Variants in PWWP3A observed in about 807,000 individuals in gnomAD.
PWWP3A encodes the protein PWWP domain-containing DNA repair factor 3A.
PWWP3A carries 53 observed loss-of-function variants against 79.0 expected under a neutral mutation model. The ratio of observed to expected loss-of-function variants is 0.67; its 90% CI spans 0.54 to 0.84. PWWP3A has a LOEUF of 0.84. Among genes scored for constraint, PWWP3A ranks in the 40% least tolerant of loss-of-function variants. The pLI is 0.00. For missense variants in PWWP3A, 973 were observed against 948.0 expected (o/e 1.03, Z -0.35); for synonymous variants, 443 against 394.4 (o/e 1.12, Z -1.46).
intron 5 of PWWP3A, chr19:1,361,999 C>T (rs1017248139): frequency 2.6e-5 from 9 of 341,116 alleles, no homozygotes; most frequent in African/African-American, 1.1e-4. Context: ...CTGCTGCTTA[C>T]GGCCCGCCTT....
chr19:1,360,150 G>C lies in PWWP3A; in HGVS notation c.229G>C (p.Val77Leu), dbSNP rs147961437. The change falls in exon 5 of 14, where the codon GTT (valine) becomes CTT (leucine). Residue 77 changes from valine to leucine, a missense_variant. Physicochemically the swap from Val to Leu is conservative, Grantham distance 32 (BLOSUM62 1). Coordinates refer to ENST00000591337, the MANE Select transcript of PWWP3A (RefSeq NM_001369789.1). This position sits in a 1 kb window ranked among gnomAD's most constrained non-coding sequence, Gnocchi z 4.4. ...GGTCCTTGCAGCCTCACAGAATGAG[G>C]TTCCTGCGGCACCCCTGGAAGAACT... ...IASSLASQNE[V>L]PAAPLEELAY... is the part of the protein sequence containing the mutation. 30 of 1,562,856 alleles carry C rather than the reference G, an allele frequency of 1.9e-5. No homozygotes were observed. The highest frequency in any genetic ancestry group is 2.2e-5 in the Non-Finnish European group (26 of 1,155,964).
Position 1,356,994 on chromosome 19 carries a change from T to G in PWWP3A, c.58-15T>G, listed in dbSNP as rs2081886687. ...CTGTTGTAATAACAAGGATTTTCTT[T>G]TGTTTTAAATGTAGGTTTTGGCCCG... On this transcript the variant is annotated splice_polypyrimidine_tract_variant and intron_variant, in intron 2 of 13. Coordinates refer to ENST00000591337, the MANE Select transcript of PWWP3A (RefSeq NM_001369789.1). 6.2e-7 allele frequency: 1 copy of G among 1,604,736 alleles called. No homozygotes were observed. The highest frequency in any genetic ancestry group is 1.3e-5 in the African/African-American group (1 of 74,456).
rs1418196392 is a variant in PWWP3A, at chr19:1,369,651, G to T, written c.1549+5G>T. 1.2e-6 allele frequency: 2 copies of T among 1,614,086 alleles called. No individual in the cohort carries two copies. The highest frequency in any genetic ancestry group is 2.7e-5 in the African/African-American group (2 of 74,932). ...AATATTACGCGGCTGATATAAGTAA[G>T]TCTACAGGCACATCTTGGAAAATGT... On this transcript the variant is annotated splice_donor_5th_base_variant and intron_variant, in intron 11 of 13. Coordinates refer to ENST00000591337, the MANE Select transcript of PWWP3A (RefSeq NM_001369789.1). This position sits in a 1 kb window ranked among gnomAD's most constrained non-coding sequence, Gnocchi z 4.0.
In PWWP3A at chr19:1,357,033, A is replaced by G. The variant is rs566164571; in HGVS notation, c.82A>G (p.Thr28Ala). The G allele has an allele frequency of 1.8e-5, 29 of 1,613,518 alleles. No homozygotes were observed. The highest frequency in any genetic ancestry group is 1.6e-4 in the East Asian group (7 of 44,882). Residue 28 changes from threonine (T) to alanine (A), a missense_variant, in exon 3 of 14, where the codon ACA (threonine) becomes GCA (alanine). By Grantham distance (58) the Thr-to-Ala change is moderately conservative (BLOSUM62 0). Transcript: ENST00000591337. ...GGTTTTGGCCCGAACCGCGACTTCAACAAAAAATAAGAGAAGAAAGGAATA... is the reference window on the plus strand; with the variant it reads ...GGTTTTGGCCCGAACCGCGACTTCAGCAAAAAATAAGAGAAGAAAGGAATA... ...AKVLARTATS[T>A]KNKRRKEYFL...
intron 7 of PWWP3A, 42 bp downstream of exon 7, chr19:1,364,621 A>C: frequency 3.0e-6 from 4 of 1,349,888 alleles, no homozygotes; most frequent in Non-Finnish European, 4.1e-6. Flanking sequence ...TAGTTACTTA[A>C]ATTTCATGAA....
In PWWP3A at chr19:1,377,162, A is replaced by AG. The variant is rs1286629073; in HGVS notation, c.*589dup. The AG allele has an allele frequency of 6.6e-6, 1 of 152,428 alleles. No individual in the cohort carries two copies. The highest frequency in any genetic ancestry group is 2.4e-5 in the African/African-American group (1 of 41,364). 9.4% of individuals were successfully genotyped at this position (152,428 alleles called of 1,614,324 possible). A position where few individuals can be genotyped will look rare whatever the true frequency, so the allele number is the denominator to read the frequency against. ...TCTGTGTCGTGTTTGCTGTGGCCGC[A>AG]GGGAGAGGAGCAGGACACGCACCTT... On this transcript the variant is annotated 3_prime_UTR_variant, in exon 14 of 14. Transcript: ENST00000591337.
chr19:1,377,182 C>CA lies in PWWP3A; in HGVS notation c.*607dup, dbSNP rs2082420008. On this transcript the variant is annotated 3_prime_UTR_variant, in exon 14 of 14. Transcript: ENST00000591337. ...GCCGCAGGGAGAGGAGCAGGACACG[C>CA]ACCTTTCCAGGGGCCTCTGTGTCCC... 1 of 152,584 alleles carries CA rather than the reference C, an allele frequency of 6.6e-6. No homozygotes were observed. The highest frequency in any genetic ancestry group is 2.4e-5 in the African/African-American group (1 of 41,422). The allele number at this position is 152,584 out of a possible 1,614,324, so 9.5% of individuals were successfully genotyped here. A position where few individuals can be genotyped will look rare whatever the true frequency, so the allele number is the denominator to read the frequency against.
chr19:1,375,878 C>T (rs907220122), intron 13 of PWWP3A, among the ~76,000 whole-genome samples: 2 of 138,732 alleles, frequency 1.4e-5, no homozygotes, highest in Non-Finnish European at 3.1e-5. Flanking sequence ...CAGTCTCGGC[C>T]CACTGCAACC....
At position 1,373,272 on chromosome 19, in the gene PWWP3A, A is replaced by T. The variant is rs1368995105; in HGVS notation, c.2075+112A>T. ...GCTGCCGCAGCCCCTCTCCCTCATG[A>T]GGTGGCCCAGGTGCTGGGTGGTGAG... On this transcript the variant is annotated intron_variant, in intron 13 of 13. Transcript: ENST00000591337. 3 of 864,526 alleles carry T rather than the reference A, an allele frequency of 3.5e-6. No individual in the cohort carries two copies. In the East Asian group the frequency reaches 7.8e-5, roughly 23 times the overall value. 53.6% of individuals were successfully genotyped at this position (864,526 alleles called of 1,614,324 possible). A position where few individuals can be genotyped will look rare whatever the true frequency, so the allele number is the denominator to read the frequency against.
chr19:1,366,233 T>C (rs979335468), intron 7 of PWWP3A, 72 bp from the exon 8 acceptor site: 9 of 1,491,590 alleles, frequency 6.0e-6, no homozygotes, highest in Non-Finnish European at 8.4e-6. Context: ...TATCATGTGA[T>C]GTCACAAAAA....
At position 1,356,446 on chromosome 19, in the gene PWWP3A, G is replaced by A. The variant is rs778162783; in HGVS notation, c.54G>A (p.Ala18=). 6 of 1,614,010 alleles carry A rather than the reference G, an allele frequency of 3.7e-6. No homozygotes were observed. The highest frequency in any genetic ancestry group is 2.2e-5 in the East Asian group (1 of 44,902). The change falls in exon 2 of 14, where the codon GCG becomes GCA. Residue 18 remains alanine (A), a synonymous_variant. Coordinates refer to ENST00000591337, the MANE Select transcript of PWWP3A (RefSeq NM_001369789.1). ...LCRWEKRLWP[A]KVLARTATST... ...GATGGGAAAAGCGATTATGGCCTGC[G>A]AAGGTGACAGCCATTATTCTGTAAC...
At chr19:1,371,872 A>T (rs1213592480) in intron 12 of PWWP3A, among the ~76,000 whole-genome samples, 1 of 149,588 alleles carries the variant, frequency 6.7e-6, no homozygotes, top group Admixed American at 6.7e-5. Flanking sequence ...CAGTGGCGCA[A>T]TCTCGGCTCA....
chr19:1,356,378 A>G lies in PWWP3A; in HGVS notation c.-15A>G. 5.6e-6 allele frequency: 9 copies of G among 1,614,082 alleles called. No homozygotes were observed. The highest frequency in any genetic ancestry group is 7.6e-6 in the Non-Finnish European group (9 of 1,179,892). On this transcript the variant is annotated 5_prime_UTR_variant, in exon 2 of 14. Transcript: ENST00000591337. ...TTGTGCCAAATCATTGCCACTTGCC[A>G]CATGAGTGTAAATGATGGCGGATGC...
chr19:1,365,430 G>A (rs7247348), intron 7 of PWWP3A, among the ~76,000 whole-genome samples: 20,233 of 152,334 alleles, frequency 0.13, 1,355 homozygotes, highest in Middle Eastern at 0.18. Flanking sequence ...GCCAAAAGGC[G>A]TTGGCCCTGC....
At chr19:1,358,832 C>A in intron 4 of PWWP3A, 1 of 514,274 alleles carries the variant, frequency 1.9e-6, no homozygotes, top group Non-Finnish European at 3.6e-6. Context: ...GTGGTACTGT[C>A]GCTGCCTGGC....
rs147100473 is a variant in PWWP3A, at chr19:1,360,632, C to T, written c.711C>T (p.Asp237=). Reference sequence around the variant, plus strand: ...TGAATGGATCTTCCCTTTCAGAGGACGACACGGAGAGAGACATGGGGAGCA... The same window carrying T: ...TGAATGGATCTTCCCTTTCAGAGGATGACACGGAGAGAGACATGGGGAGCA... ...LCLNGSSLSE[D]DTERDMGSKG... Residue 237 remains aspartate, a synonymous_variant, in exon 5 of 14, where the codon GAC becomes GAT. Transcript: ENST00000591337. The surrounding 1 kb of genome is among the most constrained non-coding windows in gnomAD (Gnocchi z 4.4). The T allele has an allele frequency of 3.8e-5, 62 of 1,613,510 alleles. No homozygotes were observed. The highest frequency in any genetic ancestry group is 5.3e-5 in the African/African-American group (4 of 74,918).
At position 1,369,617 on chromosome 19, in the gene PWWP3A, CT is replaced by C; in HGVS notation, c.1523del (p.Phe508SerfsTer9). On this transcript the variant is annotated frameshift_variant, in exon 11 of 14. Coordinates refer to ENST00000591337, the MANE Select transcript of PWWP3A (RefSeq NM_001369789.1). LOFTEE classifies it high-confidence loss of function. This position sits in a 1 kb window ranked among gnomAD's most constrained non-coding sequence, Gnocchi z 4.0. ...GCAGGCTGCGGGTCTTTTGCTGGCT[CT>C]TTCCTGGAATATTACGCGGCTGATA... Reference protein sequence around the residue: ...VRLGCGSFAGSFLEYYAADIS... With the variant: ...VRLGCGSFAGXFLEYYAADIS... The C allele has an allele frequency of 6.2e-7, 1 of 1,614,228 alleles. No homozygotes were observed. Among genetic ancestry groups the C allele is most frequent in the Non-Finnish European group, 8.5e-7 (1 of 1,180,042 alleles).
chr19:1,359,566 A>G (rs1335707220), intron 4 of PWWP3A: 1 of 152,072 alleles, frequency 6.6e-6, no homozygotes, highest in Non-Finnish European at 1.5e-5. Context: ...ATGAATAAAT[A>G]AAAGTGCTGC....
At chr19:1,362,102 C>T in intron 5 of PWWP3A, 148 bp from the exon 6 acceptor site, 1 of 525,644 alleles carries the variant, frequency 1.9e-6, no homozygotes. Flanking sequence ...TAGAAGCGCA[C>T]TCTGTTTGAA....
Sources: gnomAD v4.1 joint callset for allele counts (sites outside exome capture counted in the v4.1 genomes callset) on GRCh38, gnomAD v4.1.1 for gene constraint, Gnocchi (gnomAD v3.1) non-coding constraint, MANE v1.5 for transcripts, NCBI Gene and HGNC (gene_info 2026-07-23, HGNC 2026-07-21) for gene names.